The following LAMA1 variants were observed in gnomAD, a reference collection of about 807,000 sequenced individuals.
The protein encoded by LAMA1 is laminin subunit alpha-1.
In LAMA1, 219 loss-of-function variants were observed where a neutral mutation model predicts 348.7. The ratio of observed to expected loss-of-function variants is 0.63; its 90% confidence interval spans 0.56 to 0.70. LAMA1 has a LOEUF of 0.70. LAMA1 is among the 30% of genes least tolerant of loss of function. The pLI, the probability that LAMA1 is intolerant of heterozygous loss-of-function variation, is 0.00. For missense variants in LAMA1, 3,744 were observed against 3,888.0 expected, an observed-to-expected ratio of 0.96 and a Z score of 0.99; for synonymous variants, 1,487 against 1,491.0, an observed-to-expected ratio of 1.00 and a Z score of 0.06.
intron 36 of LAMA1, among the ~76,000 whole-genome samples, chr18:6,989,154 C>T (rs1457124532): frequency 6.6e-6 from 1 of 152,234 alleles, no homozygotes; most frequent in Non-Finnish European, 1.5e-5. Context: ...CTCTGACAGG[C>T]TTCCCTGGGC....
intron 45 of LAMA1, among the ~76,000 whole-genome samples, chr18:6,975,571 C>A (rs757268713): frequency 6.6e-6 from 1 of 152,234 alleles, no homozygotes; most frequent in Non-Finnish European, 1.5e-5. Flanking sequence ...TATCGAAGAC[C>A]TTTCATAGGC....
chr18:6,991,389 CTTTT>C (rs34001050), intron 36 of LAMA1, among the ~76,000 whole-genome samples: 3 of 118,474 alleles, frequency 2.5e-5, no homozygotes, highest in African/African-American at 6.6e-5. Flanking sequence ...ACTTCTTCTT[CTTTT>C]TTTTTTTTTT....
chr18:7,013,890 C>G lies in LAMA1; in HGVS notation c.3288G>C (p.Gly1096=), dbSNP rs1450209284. The G allele has an allele frequency of 6.2e-7, 1 of 1,613,274 alleles. No individual in the cohort carries two copies. Among genetic ancestry groups the G allele is most frequent in the Non-Finnish European group, 8.5e-7 (1 of 1,179,558 alleles). ...CCAGGTTGCAGGCGTCCCCCGACGT[C>G]CCCCTCAGGTCACAGTCACAGGGAA... is the stretch of plus-strand genomic sequence containing the variant. ...DCVPCDCDLR[G]TSGDACNLEQ... The change falls in exon 23 of 63, where the codon GGG becomes GGC. Residue 1096 remains glycine (G), a synonymous_variant. Transcript: ENST00000389658.
chr18:7,042,997 C>T, intron 8 of LAMA1: 1 of 560,604 alleles, frequency 1.8e-6, no homozygotes. Context: ...CCCAGGATTA[C>T]ATAGCTAATG....
Position 7,012,090 on chromosome 18 carries a change from C to T in LAMA1, c.3412G>A (p.Ala1138Thr), listed in dbSNP as rs146317153. The change falls in exon 24 of 63, where the codon GCT becomes ACT. Residue 1138 changes from alanine (A) to threonine (T), a missense_variant. Ala to Thr is a moderately conservative substitution (Grantham distance 58, BLOSUM62 0). Coordinates refer to ENST00000389658, the MANE Select transcript of LAMA1 (RefSeq NM_005559.4). Reference sequence around the variant, plus strand: ...CCCAGGGGGTTGTCTGCGCGGAGAGCGAAGGTGCCCTCTCGACATTCGTTG... The same window carrying T: ...CCCAGGGGGTTGTCTGCGCGGAGAGTGAAGGTGCCCTCTCGACATTCGTTG... ...QCNECREGTF[A>T]LRADNPLGCS... The T allele has an allele frequency of 6.8e-6, 11 of 1,613,592 alleles. No homozygotes were observed. In the African/African-American group the frequency reaches 8.0e-5, roughly 12 times the overall value.
At chr18:6,979,735 TA>T (rs949903298) in intron 42 of LAMA1, among the ~76,000 whole-genome samples, 1 of 151,914 alleles carries the variant, frequency 6.6e-6, no homozygotes, top group South Asian at 2.1e-4. Flanking sequence ...CCATCTCTAC[TA>T]AAAATACAAA....
chr18:7,058,859 A>G (rs973148088), intron 3 of LAMA1, among the ~76,000 whole-genome samples: 5 of 152,182 alleles, frequency 3.3e-5, no homozygotes, highest in African/African-American at 1.2e-4. Flanking sequence ...TGTAATGTAG[A>G]AAAACTGAAG....
At position 7,012,108 on chromosome 18, in the gene LAMA1, A is replaced by AT; in HGVS notation, c.3393dup (p.Cys1132MetfsTer55). 1 of 1,613,982 alleles carries AT rather than the reference A, an allele frequency of 6.2e-7. No individual in the cohort carries two copies. The highest frequency in any genetic ancestry group is 8.5e-7 in the Non-Finnish European group (1 of 1,179,934). On this transcript the variant is annotated frameshift_variant, in exon 24 of 63. Coordinates refer to ENST00000389658, the MANE Select transcript of LAMA1 (RefSeq NM_005559.4). LOFTEE classifies it high-confidence loss of function. ...CGGAGAGCGAAGGTGCCCTCTCGAC[A>AT]TTCGTTGCACTGAGGACCAAAGACA... is the stretch of plus-strand genomic sequence containing the variant.
chr18:7,008,575 C>G lies in LAMA1; in HGVS notation c.4035G>C (p.Lys1345Asn). Reference sequence around the variant, plus strand: ...CTTCTTCTGGGTGCAGCTTTTCAGCCTTTCTGCCAACCTCCATTGAAATGT... The same window carrying G: ...CTTCTTCTGGGTGCAGCTTTTCAGCGTTTCTGCCAACCTCCATTGAAATGT... The part of the protein sequence containing the change: ...ISDISMEVGR[K>N]AEKLHPEEEV... The change falls in exon 28 of 63, where the codon AAG becomes AAC. Residue 1345 changes from lysine (K) to asparagine (N), a missense_variant. This residue lies in a region of LAMA1 where 1,983 missense variants were observed against 1,934.3 expected (regional missense o/e 1.03). Transcript: ENST00000389658. 1 of 1,614,072 alleles carries G rather than the reference C, an allele frequency of 6.2e-7. No individual in the cohort carries two copies. Among genetic ancestry groups the G allele is most frequent in the Middle Eastern group, 1.6e-4 (1 of 6,062 alleles).
chr18:7,042,322 AG>A, intron 8 of LAMA1, 72 bp from the exon 9 acceptor site: 1 of 909,210 alleles, frequency 1.1e-6, no homozygotes, highest in Non-Finnish European at 1.8e-6. Flanking sequence ...ATAAATAAGA[AG>A]GTATTGGCTT....
Position 7,040,155 on chromosome 18 carries a change from TA to T in LAMA1, c.1342del (p.Tyr448ThrfsTer45). The T allele has an allele frequency of 1.2e-6, 2 of 1,614,088 alleles. No individual in the cohort carries two copies. On this transcript the variant is annotated frameshift_variant, in exon 10 of 63. Transcript: ENST00000389658. LOFTEE classifies it high-confidence loss of function. ...CDRCQLGYKD[Y>X]PTCVSCGCNP... ...GCACCCACAGGAGACACAGGTCGGG[TA>T]ATCCTTATAGCCAAGTTGGCAGCGA...
chr18:7,026,095 G>A lies in LAMA1; in HGVS notation c.2286C>T (p.His762=). 1.2e-6 allele frequency: 2 copies of A among 1,611,246 alleles called. No individual in the cohort carries two copies. The highest frequency in any genetic ancestry group is 2.2e-5 in the East Asian group (1 of 44,790). ...NVHGVCIACA[H]NTTGVHCEQC... ...GCTCACAGTGGACGCCGGTGGTGTT[G>A]TGCGCACACGCCTAGGAACATGCAC... The change falls in exon 17 of 63, where the codon CAC becomes CAT. Residue 762 remains histidine (H), a synonymous_variant. Coordinates refer to ENST00000389658, the MANE Select transcript of LAMA1 (RefSeq NM_005559.4).
At chr18:7,009,616 G>C (rs987204821) in intron 26 of LAMA1, among the ~76,000 whole-genome samples, 1 of 152,114 alleles carries the variant, frequency 6.6e-6, no homozygotes, top group Non-Finnish European at 1.5e-5. Context: ...ACATCTGCTG[G>C]AAGAATAAAC....
intron 51 of LAMA1, among the ~76,000 whole-genome samples, chr18:6,963,631 G>C (rs1459801992): frequency 1.3e-5 from 2 of 152,136 alleles, no homozygotes; most frequent in South Asian, 4.1e-4. Context: ...TTGACCTAAA[G>C]ATAGAGCACT....
At chr18:7,085,040 A>T (rs1363207131) in intron 1 of LAMA1, among the ~76,000 whole-genome samples, 1 of 152,004 alleles carries the variant, frequency 6.6e-6, no homozygotes, top group Non-Finnish European at 1.5e-5. Flanking sequence ...TTTGGAAAAA[A>T]AAAAGTTTCT....
intron 17 of LAMA1, among the ~76,000 whole-genome samples, chr18:7,025,169 C>T (rs1962560287): frequency 6.6e-6 from 1 of 152,162 alleles, no homozygotes; most frequent in Admixed American, 6.5e-5. Context: ...GATGCACTTG[C>T]CCCAGTGTGA....
chr18:7,074,262 A>G (rs933522148), intron 3 of LAMA1, among the ~76,000 whole-genome samples: 2 of 152,184 alleles, frequency 1.3e-5, no homozygotes, highest in African/African-American at 2.4e-5. Context: ...AGCAATCCTA[A>G]TGGGTGTGAA....
rs1208557200 is a variant in LAMA1, at chr18:6,964,770, C to T, written c.7229G>A (p.Ser2410Asn). The change falls in exon 51 of 63, where the codon AGT becomes AAT. Residue 2410 changes from serine (S) to asparagine (N), a missense_variant. This residue lies in a region of LAMA1 where 1,983 missense variants were observed against 1,934.3 expected (regional missense o/e 1.03). Coordinates refer to ENST00000389658, the MANE Select transcript of LAMA1 (RefSeq NM_005559.4). ...VLAVIDAYNT[S>N]NKETKQGETP... ...CTCGCCCTGCTTGGTTTCTTTATTACTGGTGTTATAGGCATCGATAACTGC... is the reference window on the plus strand; with the variant it reads ...CTCGCCCTGCTTGGTTTCTTTATTATTGGTGTTATAGGCATCGATAACTGC... 11 of 1,613,996 alleles carry T rather than the reference C, an allele frequency of 6.8e-6. No individual in the cohort carries two copies. Among genetic ancestry groups the T allele is most frequent in the Non-Finnish European group, 9.3e-6 (11 of 1,180,048 alleles).
rs1461693216 is a variant in LAMA1 at position 6,980,554 on chromosome 18, C to G, written c.5974G>C (p.Glu1992Gln). 10 of 1,612,308 alleles carry G rather than the reference C, an allele frequency of 6.2e-6. No individual in the cohort carries two copies. Among genetic ancestry groups the G allele is most frequent in the Non-Finnish European group, 8.5e-6 (10 of 1,178,436 alleles). Residue 1992 changes from glutamate (E) to glutamine (Q), a missense_variant, in exon 42 of 63, where the codon GAA (glutamate) becomes CAA (glutamine). Glu to Gln is a conservative substitution (Grantham distance 29). Around this residue, in one of 3 missense-constraint regions of LAMA1, gnomAD observed 1,983 missense variants for 1,934.3 expected, o/e 1.03. Coordinates refer to ENST00000389658, the MANE Select transcript of LAMA1 (RefSeq NM_005559.4). ...ATTGCTCTAAGTATCAAGAGTGATTCATTGGTTTGCCTGGTAATTTCAACA... is the reference window on the plus strand; with the variant it reads ...ATTGCTCTAAGTATCAAGAGTGATTGATTGGTTTGCCTGGTAATTTCAACA... Reference protein sequence around the residue: ...NAVEITRQTNESLLILRAIPK... With the variant: ...NAVEITRQTNQSLLILRAIPK...
Sources: allele counts gnomAD v4.1 joint callset (sites outside exome capture counted in the v4.1 genomes callset), GRCh38; gene constraint gnomAD v4.1.1; regional missense constraint gnomAD v4.1.1; transcripts MANE v1.5; gene names NCBI Gene and HGNC (gene_info 2026-07-23, HGNC 2026-07-21).